Variants in HMGXB4 observed in about 807,000 individuals in gnomAD.
The protein encoded by HMGXB4 is HMG-box containing 4.
In HMGXB4, 27 loss-of-function variants were observed where a neutral mutation model predicts 63.9. That is an observed-to-expected ratio of 0.42 (90% CI 0.31 to 0.58). The LOEUF (loss-of-function observed/expected upper bound fraction) is 0.58, where lower values mean the gene tolerates loss of function less well. HMGXB4 is among the 20% of genes least tolerant of loss of function. The probability of loss-of-function intolerance (pLI) is 0.13; values close to 1 mark genes in which losing one functional copy is unlikely to be tolerated. For missense variants in HMGXB4, 624 were observed against 700.7 expected, an observed-to-expected ratio of 0.89 and a Z score of 1.24; for synonymous variants, 264 against 265.3, an observed-to-expected ratio of 0.99 and a Z score of 0.05.
intron 5 of HMGXB4, among the ~76,000 whole-genome samples, chr22:35,277,863 A>G (rs1248627326): frequency 6.6e-6 from 1 of 152,168 alleles, no homozygotes; most frequent in Non-Finnish European, 1.5e-5. Flanking sequence ...ACACATCATT[A>G]TCACCCAGAG....
intron 10 of HMGXB4, 59 bp from the exon 11 acceptor site, chr22:35,293,548 A>G: frequency 8.9e-7 from 1 of 1,122,038 alleles, no homozygotes; most frequent in Non-Finnish European, 1.3e-6. Context: ...ACAAAGAAAC[A>G]TCTCTCAGGA....
In HMGXB4 at chr22:35,265,276, A is replaced by G; in HGVS notation, c.888A>G (p.Ser296=). The stretch of plus-strand genomic sequence containing the variant: ...AACCTATTCTGGTAGAATCAGACTC[A>G]TCCTCTGGTGGGGAACTAGAGGCTG... The part of the protein sequence containing the change: ...GLEPILVESD[S]SSGGELEAGE... The change falls in exon 5 of 11, where the codon TCA becomes TCG. Residue 296 remains serine, a synonymous_variant. Transcript: ENST00000216106. 6.2e-7 allele frequency: 1 copy of G among 1,614,106 alleles called. No individual in the cohort carries two copies. The highest frequency in any genetic ancestry group is 8.5e-7 in the Non-Finnish European group (1 of 1,180,018).
At chr22:35,289,419 C>T (rs1012515423) in intron 9 of HMGXB4, among the ~76,000 whole-genome samples, 1 of 151,334 alleles carries the variant, frequency 6.6e-6, no homozygotes, top group African/African-American at 2.4e-5. Context: ...ATGATTGCTG[C>T]ACTGCCCTCC....
At chr22:35,270,373 G>A (rs567114198) in intron 5 of HMGXB4, among the ~76,000 whole-genome samples, 1 of 152,164 alleles carries the variant, frequency 6.6e-6, no homozygotes, top group Non-Finnish European at 1.5e-5. Flanking sequence ...AAGAAAATAA[G>A]CTCAGGGCTC....
chr22:35,252,324 T>C, the HMGXB4 span, among the ~76,000 whole-genome samples: 1 of 152,242 alleles, frequency 6.6e-6, no homozygotes, highest in Admixed American at 6.5e-5. Flanking sequence ...CTAGAACATA[T>C]GCATCTTGCA....
At position 35,264,214 on chromosome 22, in the gene HMGXB4, T is replaced by C. The variant is rs114890498; in HGVS notation, c.259+340T>C. 379 of 533,330 alleles carry C rather than the reference T, an allele frequency of 7.1e-4. 1 individual carries two copies. Among genetic ancestry groups the C allele is most frequent in the African/African-American group, 6.5e-3 (340 of 52,616 alleles). The allele number at this position is 533,330 out of a possible 1,614,324, so 33.0% of individuals were successfully genotyped here. A position where few individuals can be genotyped will look rare whatever the true frequency, so the allele number is the denominator to read the frequency against. ...CCTGTGGGTCACTTCTCAACCAGTA[T>C]ATATCCACTCACAGAACCAGTTTTC... On this transcript the variant is annotated intron_variant, in intron 4 of 10. Transcript: ENST00000216106.
chr22:35,258,367 T>A (rs1309690426), intron 1 of HMGXB4: 1 of 152,222 alleles, frequency 6.6e-6, no homozygotes, highest in Non-Finnish European at 1.5e-5. Flanking sequence ...GGTGGCTGAT[T>A]ATATTTCCTC....
chr22:35,286,348 A>G (rs2145567293), intron 7 of HMGXB4, among the ~76,000 whole-genome samples: 1 of 152,356 alleles, frequency 6.6e-6, no homozygotes, highest in African/African-American at 2.4e-5. Context: ...GTGTTAAAAG[A>G]AAGTCTAAAA....
chr22:35,290,442 G>A (rs1924858158), intron 9 of HMGXB4, among the ~76,000 whole-genome samples: 1 of 151,822 alleles, frequency 6.6e-6, no homozygotes, highest in East Asian at 1.9e-4. Context: ...TCAGGAGATC[G>A]AGACCATCCT....
At chr22:35,252,345 T>G in the HMGXB4 span, among the ~76,000 whole-genome samples, 5 of 152,190 alleles carry the variant, frequency 3.3e-5, no homozygotes, top group African/African-American at 1.2e-4. Context: ...TAACCGAAAC[T>G]TTACACCCAC....
intron 5 of HMGXB4, among the ~76,000 whole-genome samples, chr22:35,266,759 G>A (rs1923275135): frequency 6.6e-6 from 1 of 152,160 alleles, no homozygotes; most frequent in Non-Finnish European, 1.5e-5. Flanking sequence ...GAGGCAGGTG[G>A]ATCCCTTGAG....
Position 35,262,491 on chromosome 22 carries a change from A to T in HMGXB4, c.31+70A>T, listed in dbSNP as rs1453143334. 3 of 1,472,888 alleles carry T rather than the reference A, an allele frequency of 2.0e-6. No individual in the cohort carries two copies. In the East Asian group the frequency reaches 6.8e-5, roughly 33 times the overall value. The allele number at this position is 1,472,888 out of a possible 1,614,324, so 91.2% of individuals were successfully genotyped here. On this transcript the variant is annotated intron_variant, in intron 2 of 10. Transcript: ENST00000216106. ...TTCAATCCTTGCAGCCCATGGATAT[A>T]GAGACCAGGACTGGGCACCACAGCC...
chr22:35,285,910 C>A, intron 6 of HMGXB4, 87 bp from the exon 7 acceptor site: 1 of 961,102 alleles, frequency 1.0e-6, no homozygotes, highest in Non-Finnish European at 1.6e-6. Context: ...GCTTCAAAAC[C>A]CTTTTCCAGT....
At position 35,290,729 on chromosome 22, in the gene HMGXB4, T is replaced by C. The variant is rs1263128013; in HGVS notation, c.1639-2263T>C. On this transcript the variant is annotated intron_variant, in intron 9 of 10. Coordinates refer to ENST00000216106, the MANE Select transcript of HMGXB4 (RefSeq NM_001003681.3). ...TTTGGCCCGAATTTAATCATTTGCATAGATCTCTGCAATTTTATAATTTCC... is the reference window on the plus strand; with the variant it reads ...TTTGGCCCGAATTTAATCATTTGCACAGATCTCTGCAATTTTATAATTTCC... Among the ~76,000 whole-genome samples the C allele has an allele frequency of 2.0e-5, 3 of 151,972 alleles. No individual in the cohort carries two copies. In the East Asian group the frequency reaches 5.8e-4, roughly 29 times the overall value.
At chr22:35,289,238 C>T (rs1033113877) in intron 9 of HMGXB4, among the ~76,000 whole-genome samples, 12 of 151,990 alleles carry the variant, frequency 7.9e-5, no homozygotes, top group South Asian at 6.2e-4. Flanking sequence ...GCAGGAGGAT[C>T]GCTTGAGGCC....
At chr22:35,273,667 C>A (rs919132790) in intron 5 of HMGXB4, among the ~76,000 whole-genome samples, 1 of 152,126 alleles carries the variant, frequency 6.6e-6, no homozygotes, top group African/African-American at 2.4e-5. Flanking sequence ...GCATATAATA[C>A]CCTACCTTAA....
At chr22:35,258,460 A>C (rs927361375) in intron 1 of HMGXB4, 2 of 152,198 alleles carry the variant, frequency 1.3e-5, no homozygotes, top group East Asian at 1.9e-4. Flanking sequence ...TGCTGGTCTT[A>C]TGGAATGTGT....
intron 5 of HMGXB4, among the ~76,000 whole-genome samples, chr22:35,266,338 C>T (rs1388029199): frequency 1.3e-5 from 2 of 152,194 alleles, no homozygotes; most frequent in South Asian, 2.1e-4. Flanking sequence ...TGACTTTCCA[C>T]CAGCTGGTGT....
At chr22:35,283,842 G>T in intron 5 of HMGXB4, 120 bp from the exon 6 acceptor site, 1 of 663,214 alleles carries the variant, frequency 1.5e-6, no homozygotes, top group South Asian at 1.9e-5. Context: ...TTAGTAGTTT[G>T]GAACTCTTCC....
Sources: gnomAD v4.1 joint callset for allele counts (sites outside exome capture counted in the v4.1 genomes callset) on GRCh38, gnomAD v4.1.1 for gene constraint, MANE v1.5 for transcripts, NCBI Gene and HGNC (gene_info 2026-07-23, HGNC 2026-07-21) for gene names.